The following DNM2 variants were observed in gnomAD, a reference collection of about 807,000 sequenced individuals.
DNM2 encodes the protein dynamin 2, also known as dynamin-2.
A neutral mutation model predicts 99.0 loss-of-function variants in DNM2; 15 were observed. That is an observed-to-expected ratio of 0.15 (90% CI 0.10 to 0.23). The LOEUF is 0.23. DNM2 is among the 10% of genes least tolerant of loss of function. The probability of loss-of-function intolerance (pLI) is 1.00; values close to 1 mark genes in which losing one functional copy is unlikely to be tolerated. For synonymous variants in DNM2, 525 were observed against 481.2 expected, an observed-to-expected ratio of 1.09 and a Z score of -1.19; for missense variants, 742 against 1,189.4, an observed-to-expected ratio of 0.62 and a Z score of 5.53.
intron 13 of DNM2, 148 bp from the exon 14 acceptor site, chr19:10,808,421 T>C (rs2072428128): frequency 2.8e-6 from 2 of 722,834 alleles, no homozygotes; most frequent in African/African-American, 3.6e-5. Flanking sequence ...TAATTTTTTT[T>C]CTTTTGCTGT....
chr19:10,748,632 G>A (rs757350710), intron 1 of DNM2, among the ~76,000 whole-genome samples: 2 of 152,152 alleles, frequency 1.3e-5, no homozygotes, highest in African/African-American at 2.4e-5. Context: ...AGGTGGGTGC[G>A]GGTGACTGCG....
At chr19:10,722,333 C>T (rs566378918) in intron 1 of DNM2, among the ~76,000 whole-genome samples, 12 of 152,234 alleles carry the variant, frequency 7.9e-5, no homozygotes, top group African/African-American at 2.9e-4. Context: ...AGACCCCTGG[C>T]TTGTCTGCGG....
intron 4 of DNM2, among the ~76,000 whole-genome samples, chr19:10,776,728 G>C (rs774933334): frequency 6.6e-6 from 1 of 152,066 alleles, no homozygotes; most frequent in Non-Finnish European, 1.5e-5. Flanking sequence ...GGAAACAGTC[G>C]TGTCAAACTC....
rs2068817358 is a variant in DNM2, at chr19:10,718,240, G to T, written c.-3G>T. 2 of 1,477,266 alleles carry T rather than the reference G, an allele frequency of 1.4e-6. No homozygotes were observed. The highest frequency in any genetic ancestry group is 3.0e-5 in the East Asian group (1 of 32,946). The allele number at this position is 1,477,266 out of a possible 1,614,324, so 91.5% of individuals were successfully genotyped here. A position where few individuals can be genotyped will look rare whatever the true frequency, so the allele number is the denominator to read the frequency against. ...GGCGCTCGGGCCGGGGGCCGCCGGC[G>T]CCATGGGCAACCGCGGGATGGAAGA... On this transcript the variant is annotated 5_prime_UTR_variant, in exon 1 of 21. Transcript: ENST00000389253.
intron 2 of DNM2, among the ~76,000 whole-genome samples, chr19:10,767,689 T>C (rs2070843244): frequency 1.3e-5 from 2 of 151,966 alleles, no homozygotes; most frequent in Non-Finnish European, 2.9e-5. Context: ...GCGGATCACC[T>C]GAGGTCTGGA....
chr19:10,790,509 G>T (rs938402174), intron 7 of DNM2, among the ~76,000 whole-genome samples: 1 of 152,104 alleles, frequency 6.6e-6, no homozygotes, highest in Non-Finnish European at 1.5e-5. Context: ...GTCTCGCTCT[G>T]TCACCCAGGC....
intron 3 of DNM2, among the ~76,000 whole-genome samples, chr19:10,773,704 G>T (rs530253243): frequency 3.4e-4 from 52 of 151,868 alleles, no homozygotes; most frequent in South Asian, 2.7e-3. Context: ...CTGAGCTCAG[G>T]CAATCCACCC....
chr19:10,746,717 CT>C (rs1279869201), intron 1 of DNM2, among the ~76,000 whole-genome samples: 64 of 103,198 alleles, frequency 6.2e-4, no homozygotes, highest in East Asian at 4.1e-3. Context: ...ACCGTGCCGG[CT>C]TTTTTTTTGT....
chr19:10,718,493 A>T, intron 1 of DNM2, 90 bp downstream of exon 1: 2 of 1,267,452 alleles, frequency 1.6e-6, no homozygotes, highest in Non-Finnish European at 2.0e-6. Flanking sequence ...CGCCGGCGTA[A>T]CTGCGGCGCT....
chr19:10,727,593 C>T (rs549739685), intron 1 of DNM2, among the ~76,000 whole-genome samples: 30 of 151,854 alleles, frequency 2.0e-4, no homozygotes, highest in Admixed American at 6.6e-4. Context: ...TAGTCTCAAA[C>T]CCCTGGGCTC....
intron 1 of DNM2, among the ~76,000 whole-genome samples, chr19:10,744,384 G>C (rs1055850270): frequency 5.9e-5 from 9 of 152,258 alleles, no homozygotes; most frequent in African/African-American, 2.2e-4. Context: ...GAACGGGTCC[G>C]GGCTGTTCCT....
intron 1 of DNM2, among the ~76,000 whole-genome samples, chr19:10,746,727 GTTTTTTGTTTTTTT>G (rs1277970942): frequency 8.6e-6 from 1 of 116,210 alleles, no homozygotes; most frequent in African/African-American, 3.5e-5. Context: ...CTTTTTTTTT[GTTTTTTGTTTTTTT>G]TTTTTTTGAG....
chr19:10,742,179 TCCGCAGG>T (rs1374652669), intron 1 of DNM2, among the ~76,000 whole-genome samples: 1 of 151,874 alleles, frequency 6.6e-6, no homozygotes, highest in Non-Finnish European at 1.5e-5. Context: ...GACTTGGGGG[TCCGCAGG>T]CTTGTGTGTC....
intron 1 of DNM2, among the ~76,000 whole-genome samples, chr19:10,739,942 G>C (rs2069683274): frequency 2.1e-5 from 3 of 139,882 alleles, no homozygotes; most frequent in Admixed American, 1.4e-4. Flanking sequence ...GACGTTTTTT[G>C]AATACTAATT....
rs752361306 is a variant in DNM2, at chr19:10,783,078, C to T, written c.807C>T (p.Ala269=). Residue 269 remains alanine, a synonymous_variant, in exon 6 of 21, where the codon GCC becomes GCT. Coordinates refer to ENST00000389253, the MANE Select transcript of DNM2 (RefSeq NM_001005361.3). The part of the protein sequence containing the change: ...FLSHPAYRHM[A]DRMGTPHLQK... ...CCCACCCGGCCTACCGGCACATGGC[C>T]GACCGCATGGGCACGCCACATCTGC... The T allele has an allele frequency of 4.3e-6, 7 of 1,613,588 alleles. No homozygotes were observed. The highest frequency in any genetic ancestry group is 3.3e-5 in the Admixed American group (2 of 60,012).
At chr19:10,754,459 G>A (rs562892237) in intron 1 of DNM2, among the ~76,000 whole-genome samples, 1 of 152,160 alleles carries the variant, frequency 6.6e-6, no homozygotes, top group Non-Finnish European at 1.5e-5. Flanking sequence ...TACCGTGTTG[G>A]CCAGGATGGT....
At chr19:10,750,717 G>T (rs1287121075) in intron 1 of DNM2, among the ~76,000 whole-genome samples, 1 of 151,914 alleles carries the variant, frequency 6.6e-6, no homozygotes, top group Non-Finnish European at 1.5e-5. Context: ...GATCACCTGA[G>T]GCCAGGAGTT....
At chr19:10,784,261 C>T (rs1311172730) in intron 6 of DNM2, among the ~76,000 whole-genome samples, 3 of 152,064 alleles carry the variant, frequency 2.0e-5, no homozygotes, top group African/African-American at 7.2e-5. Context: ...GAGACTGACA[C>T]CCAACAAACC....
chr19:10,747,192 C>T (rs994656315), intron 1 of DNM2, among the ~76,000 whole-genome samples: 3 of 151,964 alleles, frequency 2.0e-5, no homozygotes, highest in African/African-American at 4.8e-5. Context: ...TTCGATGGGG[C>T]GAATGTTCTC....
Sources: gnomAD v4.1 joint callset for allele counts (sites outside exome capture counted in the v4.1 genomes callset) on GRCh38, gnomAD v4.1.1 for gene constraint, MANE v1.5 for transcripts, NCBI Gene and HGNC (gene_info 2026-07-23, HGNC 2026-07-21) for gene names.